The following CTXND1 variants were observed in gnomAD, a reference collection of about 807,000 sequenced individuals.
CTXND1 encodes cortexin domain containing 1.
chr15:80,249,987 A>G (rs934895108), intron 1 of CTXND1, among the ~76,000 whole-genome samples: 2 of 152,220 alleles, frequency 1.3e-5, no homozygotes, highest in Non-Finnish European at 2.9e-5. Context: ...CAGTCTAGGA[A>G]CCATGTCAGT....
rs1418467941 is a variant in CTXND1 at position 80,196,096 on chromosome 15, G to GTAC, written c.*5671_*5673dup. The GTAC allele has an allele frequency of 3.9e-5, 6 of 152,132 alleles. No individual in the cohort carries two copies. The highest frequency in any genetic ancestry group is 1.3e-4 in the Admixed American group (2 of 15,278). The allele number at this position is 152,132 out of a possible 1,614,324, so 9.4% of individuals were successfully genotyped here. A position where few individuals can be genotyped will look rare whatever the true frequency, so the allele number is the denominator to read the frequency against. ...ACCCTGGGATTCGCTAGGGCACTTGGTACTCCCTGTATCCCTTGTCCTCAT... is the reference window on the plus strand; with the variant it reads ...ACCCTGGGATTCGCTAGGGCACTTGGTACTACTCCCTGTATCCCTTGTCCTCAT... On this transcript the variant is annotated 3_prime_UTR_variant, in exon 3 of 3. Coordinates refer to ENST00000560778, the MANE Select transcript of CTXND1 (RefSeq NM_001352888.2).
chr15:80,212,925 G>A (rs966007480), intron 1 of CTXND1, among the ~76,000 whole-genome samples: 4 of 152,252 alleles, frequency 2.6e-5, no homozygotes, highest in African/African-American at 7.2e-5. Flanking sequence ...AGAGGGCAGA[G>A]CTGTGGGCAG....
At chr15:80,209,624 C>T (rs1567128781) in intron 1 of CTXND1, among the ~76,000 whole-genome samples, 3 of 152,160 alleles carry the variant, frequency 2.0e-5, no homozygotes, top group Admixed American at 6.5e-5. Context: ...AAGAGTCCTG[C>T]CAAATGCTGT....
chr15:80,251,490 G>A (rs935122705), intron 1 of CTXND1, among the ~76,000 whole-genome samples: 8 of 152,204 alleles, frequency 5.3e-5, no homozygotes. Flanking sequence ...TCTGTTCTAT[G>A]TGACTGTCAG....
chr15:80,220,278 C>T (rs1377156306), intron 1 of CTXND1, among the ~76,000 whole-genome samples: 1 of 152,094 alleles, frequency 6.6e-6, no homozygotes, highest in Non-Finnish European at 1.5e-5. Flanking sequence ...ATTTATGTCT[C>T]CCTATAGGGA....
At chr15:80,243,117 GTTCCC>G (rs1286086617) in intron 1 of CTXND1, among the ~76,000 whole-genome samples, 3 of 152,140 alleles carry the variant, frequency 2.0e-5, no homozygotes, top group African/African-American at 7.2e-5. Flanking sequence ...CATCTGCCCG[GTTCCC>G]TTGACCTGCC....
chr15:80,248,045 T>TGAACAGCCTAC (rs1893654359), intron 1 of CTXND1, among the ~76,000 whole-genome samples: 1 of 152,224 alleles, frequency 6.6e-6, no homozygotes, highest in South Asian at 2.1e-4. Context: ...TCTTGGGAGC[T>TGAACAGCCTAC]GAACAGCCTA....
At chr15:80,231,409 A>C (rs1477665564) in intron 1 of CTXND1, among the ~76,000 whole-genome samples, 3 of 152,042 alleles carry the variant, frequency 2.0e-5, no homozygotes, top group Non-Finnish European at 4.4e-5. Flanking sequence ...GAAAAGAAAA[A>C]AAAAAAGAAA....
At chr15:80,236,580 C>T (rs1377418613) in intron 1 of CTXND1, among the ~76,000 whole-genome samples, 4 of 151,826 alleles carry the variant, frequency 2.6e-5, no homozygotes, top group Non-Finnish European at 4.4e-5. Context: ...GTCAGGAGAT[C>T]GAGACCAGCC....
chr15:80,249,985 G>C (rs1285015292), intron 1 of CTXND1, among the ~76,000 whole-genome samples: 4 of 152,144 alleles, frequency 2.6e-5, no homozygotes, highest in Non-Finnish European at 5.9e-5. Flanking sequence ...CTCAGTCTAG[G>C]AACCATGTCA....
chr15:80,227,315 TCA>T (rs1893383185), intron 1 of CTXND1, among the ~76,000 whole-genome samples: 1 of 152,224 alleles, frequency 6.6e-6, no homozygotes, highest in Non-Finnish European at 1.5e-5. Context: ...CTAACTAATA[TCA>T]CAGTCTTCCA....
chr15:80,222,664 A>T (rs973499258), intron 1 of CTXND1, among the ~76,000 whole-genome samples: 2 of 152,204 alleles, frequency 1.3e-5, no homozygotes, highest in African/African-American at 4.8e-5. Flanking sequence ...AAATGGGTAT[A>T]GTTGTAATTC....
chr15:80,223,410 G>C (rs55749823), intron 1 of CTXND1, among the ~76,000 whole-genome samples: 18,759 of 152,198 alleles, frequency 0.12, 1,335 homozygotes, highest in Admixed American at 0.18. Context: ...TTGCTGTGAA[G>C]TATTCCATTG....
intron 1 of CTXND1, among the ~76,000 whole-genome samples, chr15:80,232,553 G>A (rs1481953741): frequency 1.3e-5 from 2 of 152,286 alleles, no homozygotes; most frequent in East Asian, 3.9e-4. Flanking sequence ...ATGAGCAGGA[G>A]AGTCGTCCTG....
At chr15:80,226,704 C>T (rs1893375785) in intron 1 of CTXND1, among the ~76,000 whole-genome samples, 1 of 152,214 alleles carries the variant, frequency 6.6e-6, no homozygotes, top group Non-Finnish European at 1.5e-5. Context: ...ATCCACTCCT[C>T]CCCTGACAAG....
chr15:80,245,642 G>A (rs1442170565), intron 1 of CTXND1, among the ~76,000 whole-genome samples: 1 of 152,160 alleles, frequency 6.6e-6, no homozygotes, highest in African/African-American at 2.4e-5. Context: ...CAAGGACAGG[G>A]GGCATGGACT....
chr15:80,201,981 C>T lies in CTXND1; in HGVS notation c.-32G>A. ...GCAGCGACTGCGGGCTGCTCCTCCTCCGCCTCGGGTTTGACTGGTACCATT... is the reference window on the plus strand; with the variant it reads ...GCAGCGACTGCGGGCTGCTCCTCCTTCGCCTCGGGTTTGACTGGTACCATT... On this transcript the variant is annotated 5_prime_UTR_variant, in exon 3 of 3. Transcript: ENST00000560778. 2.5e-6 allele frequency: 1 copy of T among 399,142 alleles called. No homozygotes were observed. Among genetic ancestry groups the T allele is most frequent in the East Asian group, 3.6e-5 (1 of 28,092 alleles). The allele number at this position is 399,142 out of a possible 1,614,324, so 24.7% of individuals were successfully genotyped here.
chr15:80,221,117 G>T (rs1182617463), intron 1 of CTXND1, among the ~76,000 whole-genome samples: 2 of 151,930 alleles, frequency 1.3e-5, no homozygotes, highest in Non-Finnish European at 2.9e-5. Context: ...CACCATGTTA[G>T]CCAGGATGGT....
chr15:80,224,851 C>T (rs772915407), intron 1 of CTXND1, among the ~76,000 whole-genome samples: 6 of 152,214 alleles, frequency 3.9e-5, no homozygotes, highest in Admixed American at 6.5e-5. Flanking sequence ...TCAAGCGATT[C>T]TCCTGTCTCA....
Sources: gnomAD v4.1 joint callset for allele counts (sites outside exome capture counted in the v4.1 genomes callset) on GRCh38, gnomAD v4.1.1 for gene constraint, MANE v1.5 for transcripts, NCBI Gene and HGNC (gene_info 2026-07-23, HGNC 2026-07-21) for gene names.